TPD52L1: variants seen among roughly 807,000 people sequenced by gnomAD.
TPD52L1 encodes the protein tumor protein D53.
TPD52L1 carries 18 observed loss-of-function variants against 28.7 expected under a neutral mutation model. The ratio of observed to expected loss-of-function variants is 0.63; its 90% CI spans 0.43 to 0.93. The LOEUF (loss-of-function observed/expected upper bound fraction) is 0.93, where lower values mean the gene tolerates loss of function less well. Ranked by LOEUF, TPD52L1 falls within the 40% of genes least tolerant of loss-of-function variation. The probability of loss-of-function intolerance (pLI) is 0.00; values close to 1 mark genes in which losing one functional copy is unlikely to be tolerated. For missense variants in TPD52L1, 203 were observed against 254.8 expected, an observed-to-expected ratio of 0.80 and a Z score of 1.39; for synonymous variants, 75 against 88.8, an observed-to-expected ratio of 0.84 and a Z score of 0.88.
intron 1 of TPD52L1, among the ~76,000 whole-genome samples, chr6:125,158,063 T>C (rs571971286): frequency 6.6e-6 from 1 of 152,278 alleles, no homozygotes; most frequent in Non-Finnish European, 1.5e-5. Context: ...TCTGTTCGCA[T>C]CAAACCTCCC....
At chr6:125,258,164 G>A (rs570812670) in intron 6 of TPD52L1, among the ~76,000 whole-genome samples, 2 of 152,206 alleles carry the variant, frequency 1.3e-5, no homozygotes, top group African/African-American at 4.8e-5. Context: ...TTTTCTTAGG[G>A]CAGGGTCTTT....
At chr6:125,224,081 T>C (rs957133370) in intron 2 of TPD52L1, among the ~76,000 whole-genome samples, 1 of 151,826 alleles carries the variant, frequency 6.6e-6, no homozygotes, top group African/African-American at 2.4e-5. Flanking sequence ...TCTCTCTCTC[T>C]TTAAGTACAC....
chr6:125,204,480 T>C (rs1470015244), intron 1 of TPD52L1, among the ~76,000 whole-genome samples: 1 of 152,132 alleles, frequency 6.6e-6, no homozygotes, highest in African/African-American at 2.4e-5. Context: ...TATCAGATTT[T>C]TTATTTTTAT....
Position 125,263,097 on chromosome 6 carries a change from C to G in TPD52L1, c.*135C>G, listed in dbSNP as rs1798152420. The G allele has an allele frequency of 7.4e-6, 8 of 1,086,912 alleles. No homozygotes were observed. The highest frequency in any genetic ancestry group is 3.1e-5 in the Admixed American group (1 of 32,220). 67.3% of individuals were successfully genotyped at this position (1,086,912 alleles called of 1,614,324 possible). A position where few individuals can be genotyped will look rare whatever the true frequency, so the allele number is the denominator to read the frequency against. On this transcript the variant is annotated 3_prime_UTR_variant, in exon 7 of 7. Transcript: ENST00000534000. Reference sequence around the variant, plus strand: ...TGACATTGTTATTCAAATGGCCCCTCCAGAAAGTTTAATGATTTCCATTTG... The same window carrying G: ...TGACATTGTTATTCAAATGGCCCCTGCAGAAAGTTTAATGATTTCCATTTG...
rs796710030 is a variant in TPD52L1 at position 125,170,745 on chromosome 6, T to A, written c.19+16775T>A. On this transcript the variant is annotated intron_variant, in intron 1 of 6. Transcript: ENST00000534000. ...GTCTTGGCTTGCAAGTAGGGTAAAA[T>A]TCTGACCCTTCTTATTTCTAACACC... 1.2e-4 allele frequency among the ~76,000 whole-genome samples: 19 copies of A among 152,254 alleles called. 1 individual carries two copies. The highest frequency in any genetic ancestry group is 4.3e-4 in the African/African-American group (18 of 41,564).
At chr6:125,237,378 A>T (rs1054223855) in intron 3 of TPD52L1, among the ~76,000 whole-genome samples, 1 of 152,050 alleles carries the variant, frequency 6.6e-6, no homozygotes, top group East Asian at 1.9e-4. Context: ...AGCAGTGAGA[A>T]AGTAGACTCC....
intron 1 of TPD52L1, among the ~76,000 whole-genome samples, chr6:125,175,777 G>A (rs507773): frequency 0.073 from 11,170 of 152,180 alleles, 1,066 homozygotes; most frequent in African/African-American, 0.22. Flanking sequence ...AACTTTTATG[G>A]GATTAGAGTT....
At position 125,159,297 on chromosome 6, in the gene TPD52L1, T is replaced by C. The variant is rs148862498; in HGVS notation, c.19+5327T>C. On this transcript the variant is annotated intron_variant, in intron 1 of 6. Transcript: ENST00000534000. Reference sequence around the variant, plus strand: ...AAATCCTTTGTTGTCATTTACACAGTGCTGTGAACATCTTCACTGGGAGTA... The same window carrying C: ...AAATCCTTTGTTGTCATTTACACAGCGCTGTGAACATCTTCACTGGGAGTA... 7.9e-5 allele frequency among the ~76,000 whole-genome samples: 12 copies of C among 152,376 alleles called. No individual in the cohort carries two copies. The East Asian group carries it at 2.3e-3, about 29-fold the overall frequency.
chr6:125,167,557 G>A (rs1790992700), intron 1 of TPD52L1, among the ~76,000 whole-genome samples: 1 of 152,166 alleles, frequency 6.6e-6, no homozygotes, highest in Non-Finnish European at 1.5e-5. Context: ...AGAATATGTA[G>A]AAATAAGAAT....
chr6:125,206,897 G>A (rs899129595), intron 1 of TPD52L1, among the ~76,000 whole-genome samples: 2 of 152,120 alleles, frequency 1.3e-5, no homozygotes, highest in African/African-American at 4.8e-5. Context: ...CTGTCATATA[G>A]CGATGAAAAT....
chr6:125,217,705 A>G (rs1794976439), intron 1 of TPD52L1, among the ~76,000 whole-genome samples: 2 of 152,068 alleles, frequency 1.3e-5, no homozygotes, highest in East Asian at 1.9e-4. Flanking sequence ...GGGATCCTCC[A>G]TTCCTTTCTC....
chr6:125,219,425 G>A (rs759128710), intron 1 of TPD52L1, among the ~76,000 whole-genome samples: 6 of 152,110 alleles, frequency 3.9e-5, no homozygotes, highest in Non-Finnish European at 5.9e-5. Flanking sequence ...CAACTGCTTC[G>A]AGCCACATCT....
chr6:125,154,049 C>T, intron 1 of TPD52L1, 79 bp downstream of exon 1: 2 of 1,538,496 alleles, frequency 1.3e-6, no homozygotes. Context: ...CCTAACTTCG[C>T]TCTCGGACAG....
At chr6:125,203,638 C>A (rs1793934114) in intron 1 of TPD52L1, 1 of 985,258 alleles carries the variant, frequency 1.0e-6, no homozygotes. Flanking sequence ...ACAGCAGAAA[C>A]CCTTGGTGTG....
chr6:125,156,291 CT>C (rs2114722454), intron 1 of TPD52L1, among the ~76,000 whole-genome samples: 1 of 151,204 alleles, frequency 6.6e-6, no homozygotes, highest in East Asian at 2.0e-4. Flanking sequence ...ATAGAGAGAC[CT>C]CATCTCTACA....
chr6:125,243,376 C>T (rs1796732662), intron 3 of TPD52L1, among the ~76,000 whole-genome samples: 1 of 152,020 alleles, frequency 6.6e-6, no homozygotes, highest in Non-Finnish European at 1.5e-5. Flanking sequence ...GGAAGTTTTC[C>T]CCAATTATTT....
At chr6:125,219,364 C>G (rs2114959028) in intron 1 of TPD52L1, among the ~76,000 whole-genome samples, 1 of 152,334 alleles carries the variant, frequency 6.6e-6, no homozygotes, top group East Asian at 1.9e-4. Context: ...CGGCTCTTCC[C>G]ATATTTTCCT....
At chr6:125,228,410 A>G (rs770495563) in intron 2 of TPD52L1, among the ~76,000 whole-genome samples, 12 of 152,210 alleles carry the variant, frequency 7.9e-5, no homozygotes, top group Non-Finnish European at 1.5e-4. Context: ...AAAAAGAAAA[A>G]TCAACACAAA....
intron 1 of TPD52L1, among the ~76,000 whole-genome samples, chr6:125,157,284 A>C (rs1790202175): frequency 6.6e-6 from 1 of 152,240 alleles, no homozygotes; most frequent in Admixed American, 6.5e-5. Flanking sequence ...GGTGTTATGG[A>C]CATGATTCGC....
Sources: allele counts gnomAD v4.1 joint callset (sites outside exome capture counted in the v4.1 genomes callset), GRCh38; gene constraint gnomAD v4.1.1; transcripts MANE v1.5; gene names NCBI Gene and HGNC (gene_info 2026-07-23, HGNC 2026-07-21).